The following TRHDE variants were observed in gnomAD, a reference collection of about 807,000 sequenced individuals.
TRHDE encodes thyrotropin-releasing hormone-degrading ectoenzyme.
In TRHDE, 72 loss-of-function variants were observed where a neutral mutation model predicts 125.7. That is an observed-to-expected ratio of 0.57 (90% confidence interval 0.47 to 0.70). The LOEUF is 0.70. TRHDE is among the 30% of genes least tolerant of loss of function. The probability of loss-of-function intolerance (pLI) is 0.00; values close to 1 mark genes in which losing one functional copy is unlikely to be tolerated. For synonymous variants in TRHDE, 509 were observed against 509.1 expected (o/e 1.00, Z 0.00); for missense variants, 1,110 against 1,327.1 (o/e 0.84, Z 2.54).
intron 15 of TRHDE, among the ~76,000 whole-genome samples, chr12:72,631,072 A>T (rs527666714): frequency 1.3e-5 from 2 of 151,256 alleles, no homozygotes; most frequent in East Asian, 3.9e-4. Flanking sequence ...TATCCTATTT[A>T]ATAGGATATT....
At chr12:72,293,280 T>G (rs2139436861) in intron 2 of TRHDE, among the ~76,000 whole-genome samples, 1 of 152,286 alleles carries the variant, frequency 6.6e-6, no homozygotes, top group Admixed American at 6.5e-5. Context: ...TGTGAATATT[T>G]TTTCCCACTC....
At chr12:72,302,656 T>C (rs944232696) in intron 2 of TRHDE, among the ~76,000 whole-genome samples, 1 of 152,164 alleles carries the variant, frequency 6.6e-6, no homozygotes, top group Non-Finnish European at 1.5e-5. Flanking sequence ...CTTCATTGTT[T>C]GGCAGAGGCT....
At chr12:72,353,990 A>T (rs1870702398) in intron 2 of TRHDE, among the ~76,000 whole-genome samples, 1 of 151,608 alleles carries the variant, frequency 6.6e-6, no homozygotes, top group Non-Finnish European at 1.5e-5. Flanking sequence ...TTGGATGCTT[A>T]TTACATCAAT....
intron 15 of TRHDE, among the ~76,000 whole-genome samples, chr12:72,640,140 G>A (rs994693478): frequency 2.0e-5 from 3 of 152,212 alleles, no homozygotes; most frequent in Non-Finnish European, 4.4e-5. Context: ...AGACTGCTGT[G>A]CTAGCAATCA....
At chr12:72,639,722 A>T (rs1417643822) in intron 15 of TRHDE, among the ~76,000 whole-genome samples, 3 of 151,962 alleles carry the variant, frequency 2.0e-5, no homozygotes, top group African/African-American at 7.3e-5. Flanking sequence ...CTTCTAACAG[A>T]CAGGACCCTC....
intron 15 of TRHDE, among the ~76,000 whole-genome samples, chr12:72,633,124 G>A (rs1873567908): frequency 6.6e-6 from 1 of 151,798 alleles, no homozygotes; most frequent in African/African-American, 2.4e-5. Context: ...CTTAAACTTA[G>A]ATCAAGTGAG....
intron 2 of TRHDE, among the ~76,000 whole-genome samples, chr12:72,372,871 G>A (rs1000673090): frequency 3.9e-5 from 6 of 152,116 alleles, no homozygotes; most frequent in East Asian, 1.9e-4. Context: ...TTGGCGATGT[G>A]GGCTCTTTTT....
At chr12:72,582,393 C>T (rs1002198912) in intron 12 of TRHDE, 1 of 985,038 alleles carries the variant, frequency 1.0e-6, no homozygotes, top group South Asian at 4.7e-5. Context: ...GTTAAAATAA[C>T]CTTAACAACA....
At chr12:72,328,221 T>G (rs1165646381) in intron 2 of TRHDE, among the ~76,000 whole-genome samples, 5 of 152,184 alleles carry the variant, frequency 3.3e-5, no homozygotes, top group Admixed American at 3.3e-4. Flanking sequence ...AAAATTAGAT[T>G]TCTATAAAGG....
At chr12:72,316,356 A>G (rs962999011) in intron 2 of TRHDE, among the ~76,000 whole-genome samples, 3 of 152,166 alleles carry the variant, frequency 2.0e-5, no homozygotes, top group African/African-American at 7.2e-5. Context: ...AAGAGCCTGG[A>G]AGCAACATAG....
chr12:72,320,543 CTGTGTGTGTGTG>C (rs59244019), intron 2 of TRHDE, among the ~76,000 whole-genome samples: 12 of 143,172 alleles, frequency 8.4e-5, no homozygotes, highest in South Asian at 2.3e-4. Context: ...AGAGGGTTGA[CTGTGTGTGTGTG>C]TGTGTGTGTG....
At chr12:72,592,938 C>G (rs1871755269) in intron 12 of TRHDE, among the ~76,000 whole-genome samples, 1 of 152,144 alleles carries the variant, frequency 6.6e-6, no homozygotes, top group African/African-American at 2.4e-5. Flanking sequence ...GTCTTGAACT[C>G]CTGACCTCAG....
At chr12:72,466,266 T>TAG (rs1264129792) in intron 3 of TRHDE, among the ~76,000 whole-genome samples, 1 of 152,200 alleles carries the variant, frequency 6.6e-6, no homozygotes, top group African/African-American at 2.4e-5. Flanking sequence ...TTCATATGTA[T>TAG]AGAGTCTTCT....
At chr12:72,462,366 G>A (rs1565751283) in intron 3 of TRHDE, among the ~76,000 whole-genome samples, 1 of 152,162 alleles carries the variant, frequency 6.6e-6, no homozygotes, top group Non-Finnish European at 1.5e-5. Flanking sequence ...TAGGAGTAGA[G>A]AGGTGATTTA....
intron 2 of TRHDE, among the ~76,000 whole-genome samples, chr12:72,241,360 C>A (rs778857869): frequency 2.7e-4 from 41 of 152,084 alleles, no homozygotes; most frequent in Non-Finnish European, 3.8e-4. Flanking sequence ...TTTTTACTAT[C>A]ATTTCATCTT....
chr12:72,152,567 T>A (rs1389719483), intron 2 of TRHDE, among the ~76,000 whole-genome samples: 1 of 152,230 alleles, frequency 6.6e-6, no homozygotes, highest in African/African-American at 2.4e-5. Flanking sequence ...TTGAGATACG[T>A]CCCATCAATA....
intron 2 of TRHDE, among the ~76,000 whole-genome samples, chr12:72,178,609 A>G (rs1464620756): frequency 1.3e-5 from 2 of 152,106 alleles, no homozygotes; most frequent in African/African-American, 2.4e-5. Flanking sequence ...GAACATCAAA[A>G]TAGAGGTAGT....
At chr12:72,561,528 T>C (rs1870177474) in intron 7 of TRHDE, among the ~76,000 whole-genome samples, 1 of 152,212 alleles carries the variant, frequency 6.6e-6, no homozygotes, top group African/African-American at 2.4e-5. Flanking sequence ...GTATAGGTTT[T>C]ACCACTAATA....
intron 12 of TRHDE, among the ~76,000 whole-genome samples, chr12:72,578,301 G>T (rs12298495): frequency 0.27 from 40,735 of 151,934 alleles, 8,275 homozygotes; most frequent in African/African-American, 0.55. Flanking sequence ...TAGGTAAGGC[G>T]GCACAGCTTT....
Sources: gnomAD v4.1 joint callset for allele counts (sites outside exome capture counted in the v4.1 genomes callset) on GRCh38, gnomAD v4.1.1 for gene constraint, MANE v1.5 for transcripts, NCBI Gene and HGNC (gene_info 2026-07-23, HGNC 2026-07-21) for gene names.